Variants in ATOSA observed in about 807,000 individuals in gnomAD.
ATOSA encodes the protein atos homolog A.
the ATOSA span, chr15:52,613,825 C>A: frequency 6.2e-7 from 1 of 1,613,692 alleles, no homozygotes; most frequent in Non-Finnish European, 8.5e-7. Flanking sequence ...AAGAACTCCT[C>A]TGCATCATAT....
chr15:52,619,174 G>A, the ATOSA span, among the ~76,000 whole-genome samples: 4 of 152,138 alleles, frequency 2.6e-5, no homozygotes, highest in African/African-American at 9.7e-5. Context: ...TGTCAAGAAT[G>A]TCTAATTTTA....
At chr15:52,652,292 T>C in the ATOSA span, among the ~76,000 whole-genome samples, 1 of 152,228 alleles carries the variant, frequency 6.6e-6, no homozygotes, top group African/African-American at 2.4e-5. Context: ...GTTTCTTCAG[T>C]TGCTTTTAAA....
the ATOSA span, among the ~76,000 whole-genome samples, chr15:52,667,398 T>G: frequency 6.6e-6 from 1 of 152,238 alleles, no homozygotes; most frequent in Admixed American, 6.5e-5. Context: ...GCAATGTGAC[T>G]AAAGATGTTA....
At chr15:52,633,318 T>A in the ATOSA span, among the ~76,000 whole-genome samples, 1 of 152,194 alleles carries the variant, frequency 6.6e-6, no homozygotes, top group Admixed American at 6.5e-5. Flanking sequence ...AGATCTAATT[T>A]ATTCTTATAC....
the ATOSA span, among the ~76,000 whole-genome samples, chr15:52,613,310 G>A: frequency 6.6e-6 from 1 of 152,250 alleles, no homozygotes; most frequent in African/African-American, 2.4e-5. Context: ...AGGTTGCAGT[G>A]AGCCAAGATC....
At chr15:52,648,859 T>A in the ATOSA span, 3 of 152,116 alleles carry the variant, frequency 2.0e-5, no homozygotes, top group Admixed American at 6.6e-5. Context: ...CCTGGGCTTA[T>A]TATAAACCTT....
At chr15:52,623,648 T>C in the ATOSA span, among the ~76,000 whole-genome samples, 2 of 152,070 alleles carry the variant, frequency 1.3e-5, no homozygotes, top group Non-Finnish European at 2.9e-5. Flanking sequence ...TAAGGTTTAA[T>C]AAAATATAAA....
At chr15:52,628,538 C>T in the ATOSA span, among the ~76,000 whole-genome samples, 1 of 152,078 alleles carries the variant, frequency 6.6e-6, no homozygotes, top group Non-Finnish European at 1.5e-5. Context: ...ACAGTAATTA[C>T]CTGTCAATCT....
the ATOSA span, among the ~76,000 whole-genome samples, chr15:52,613,429 C>A: frequency 6.6e-6 from 1 of 152,154 alleles, no homozygotes. Context: ...GCTTATGAGA[C>A]AGCAGGTATG....
the ATOSA span, among the ~76,000 whole-genome samples, chr15:52,705,663 C>A: frequency 6.6e-6 from 1 of 152,028 alleles, no homozygotes; most frequent in Non-Finnish European, 1.5e-5. Context: ...TAAGTATATA[C>A]ACAAGTAATC....
the ATOSA span, among the ~76,000 whole-genome samples, chr15:52,707,257 C>T: frequency 2.6e-5 from 4 of 152,028 alleles, no homozygotes; most frequent in African/African-American, 7.2e-5. Context: ...ATTGTCTTTC[C>T]GCAAATTGTT....
chr15:52,695,075 T>C, the ATOSA span, among the ~76,000 whole-genome samples: 601 of 151,934 alleles, frequency 4.0e-3, 6 homozygotes, highest in African/African-American at 0.014. Flanking sequence ...CAGGCGTGCA[T>C]CACCATGCCT....
chr15:52,603,163 CA>C, the ATOSA span, among the ~76,000 whole-genome samples: 1 of 151,218 alleles, frequency 6.6e-6, no homozygotes, highest in Non-Finnish European at 1.5e-5. Flanking sequence ...TTAAAATGGA[CA>C]AAAAAAATCT....
chr15:52,646,631 C>T, the ATOSA span, among the ~76,000 whole-genome samples: 2 of 152,148 alleles, frequency 1.3e-5, no homozygotes, highest in African/African-American at 4.8e-5. Flanking sequence ...TACCATATCC[C>T]TTGAAGTGGG....
At chr15:52,704,485 C>A in the ATOSA span, among the ~76,000 whole-genome samples, 1 of 152,124 alleles carries the variant, frequency 6.6e-6, no homozygotes, top group South Asian at 2.1e-4. Flanking sequence ...GCAATGGCAA[C>A]AAAACCCAAA....
the ATOSA span, chr15:52,584,655 T>C: frequency 3.6e-6 from 4 of 1,109,392 alleles, no homozygotes; most frequent in African/African-American, 4.7e-5. Flanking sequence ...CAAGGGACAC[T>C]GGTCTAGTTA....
At chr15:52,600,283 T>G in the ATOSA span, 2 of 1,203,462 alleles carry the variant, frequency 1.7e-6, no homozygotes, top group Non-Finnish European at 2.4e-6. Context: ...CACAATACTT[T>G]TTTTTTTAAT....
At chr15:52,628,822 T>C in the ATOSA span, among the ~76,000 whole-genome samples, 1 of 151,776 alleles carries the variant, frequency 6.6e-6, no homozygotes, top group East Asian at 1.9e-4. Flanking sequence ...ATTTTAATAA[T>C]AGTACAATTG....
At chr15:52,585,840 G>A in the ATOSA span, among the ~76,000 whole-genome samples, 1 of 152,096 alleles carries the variant, frequency 6.6e-6, no homozygotes, top group Non-Finnish European at 1.5e-5. Flanking sequence ...CTCATCCGTG[G>A]CACTGGACAT....
Sources: gnomAD v4.1 joint callset for allele counts (sites outside exome capture counted in the v4.1 genomes callset) on GRCh38, gnomAD v4.1.1 for gene constraint, MANE v1.5 for transcripts, NCBI Gene and HGNC (gene_info 2026-07-23, HGNC 2026-07-21) for gene names.